CSNK1G1: variants seen among roughly 807,000 people sequenced by gnomAD.
CSNK1G1 encodes the protein casein kinase I isoform gamma-1.
A neutral mutation model predicts 59.6 loss-of-function variants in CSNK1G1; 22 were observed. The ratio of observed to expected loss-of-function variants is 0.37; its 90% confidence interval spans 0.26 to 0.53. CSNK1G1 has a LOEUF of 0.53. Among genes scored for constraint, CSNK1G1 ranks in the 20% least tolerant of loss-of-function variants. CSNK1G1 has a pLI of 0.89. For missense variants in CSNK1G1, 384 were observed against 519.5 expected, an observed-to-expected ratio of 0.74 and a Z score of 2.54; for synonymous variants, 179 against 177.1, an observed-to-expected ratio of 1.01 and a Z score of -0.08.
intron 4 of CSNK1G1, among the ~76,000 whole-genome samples, chr15:64,233,650 GA>G (rs1325809440): frequency 6.6e-6 from 1 of 152,190 alleles, no homozygotes; most frequent in East Asian, 1.9e-4. Context: ...CACACAACTG[GA>G]AAATTCGTCC....
At chr15:64,203,245 T>G (rs1002354809) in intron 9 of CSNK1G1, 56 bp from the exon 10 acceptor site, 2 of 1,049,550 alleles carry the variant, frequency 1.9e-6, no homozygotes, top group African/African-American at 3.1e-5. Context: ...TTGATGCATA[T>G]GCAAAGGACA....
At chr15:64,273,731 A>T (rs1050516203) in intron 2 of CSNK1G1, among the ~76,000 whole-genome samples, 31 of 115,544 alleles carry the variant, frequency 2.7e-4, no homozygotes, top group Admixed American at 6.7e-4. Context: ...CTGATGAGCT[A>T]AAAAAAAAAA....
chr15:64,175,800 G>A (rs184648587), intron 11 of CSNK1G1, among the ~76,000 whole-genome samples: 6 of 152,304 alleles, frequency 3.9e-5, no homozygotes, highest in Admixed American at 3.3e-4. Flanking sequence ...CAAAAAGTCA[G>A]ATTTTCCCAA....
intron 4 of CSNK1G1, among the ~76,000 whole-genome samples, chr15:64,230,885 A>G (rs1466130272): frequency 6.6e-6 from 1 of 151,684 alleles, no homozygotes; most frequent in African/African-American, 2.4e-5. Context: ...GAGGCAGGAG[A>G]ATGGCATGAA....
rs897302363 is a variant in CSNK1G1 at position 64,214,938 on chromosome 15, C to T, written c.445-814G>A. On this transcript the variant is annotated intron_variant, in intron 5 of 11. Coordinates refer to ENST00000303052, the MANE Select transcript of CSNK1G1 (RefSeq NM_022048.5). The surrounding 1 kb of genome is among the most constrained non-coding windows in gnomAD (Gnocchi z 4.3). ...ACAGGCATGAGCCACCATGCCTGGC[C>T]GAAACAGTTCATCGTTGTTGTTTTA... Among the ~76,000 whole-genome samples, 3 of 151,876 alleles carry T rather than the reference C, an allele frequency of 2.0e-5. No individual in the cohort carries two copies. Among genetic ancestry groups the T allele is most frequent in the African/African-American group, 4.8e-5 (2 of 41,336 alleles).
intron 1 of CSNK1G1, among the ~76,000 whole-genome samples, chr15:64,315,285 C>G (rs1239937984): frequency 6.6e-6 from 1 of 152,074 alleles, no homozygotes. Context: ...AAAGCAGCAG[C>G]CTATTAAGAA....
chr15:64,250,651 AG>A (rs1430235424), intron 4 of CSNK1G1, among the ~76,000 whole-genome samples: 2 of 152,286 alleles, frequency 1.3e-5, no homozygotes, highest in East Asian at 3.9e-4. Context: ...AGGCTGAGGC[AG>A]GAGAACTGCT....
At chr15:64,240,897 G>A (rs945226811) in intron 4 of CSNK1G1, among the ~76,000 whole-genome samples, 2 of 151,960 alleles carry the variant, frequency 1.3e-5, no homozygotes, top group African/African-American at 4.8e-5. Context: ...AAAAGAAAAA[G>A]AATCAAACCG....
chr15:64,197,999 G>A (rs1410138919), intron 10 of CSNK1G1, among the ~76,000 whole-genome samples: 2 of 151,898 alleles, frequency 1.3e-5, no homozygotes, highest in Non-Finnish European at 2.9e-5. Context: ...CATGTCAAAT[G>A]CAGCTTCTCT....
At chr15:64,347,937 C>T (rs1329895186) in intron 1 of CSNK1G1, among the ~76,000 whole-genome samples, 1 of 150,456 alleles carries the variant, frequency 6.6e-6, no homozygotes, top group Non-Finnish European at 1.5e-5. Context: ...ACCCAGGAGG[C>T]GGAGGTTTCA....
chr15:64,222,177 C>T (rs988767920), intron 4 of CSNK1G1, among the ~76,000 whole-genome samples: 3 of 151,018 alleles, frequency 2.0e-5, no homozygotes, highest in African/African-American at 7.3e-5. Context: ...AACACAGGAA[C>T]AGAAAACCAA....
At chr15:64,243,743 G>A (rs1891599550) in intron 4 of CSNK1G1, among the ~76,000 whole-genome samples, 2 of 152,128 alleles carry the variant, frequency 1.3e-5, no homozygotes, top group South Asian at 4.1e-4. Flanking sequence ...CTAGCCATGT[G>A]CCTGTAGTCC....
In CSNK1G1 at chr15:64,171,866, G is replaced by A. The variant is rs868515296; in HGVS notation, c.*65C>T. On this transcript the variant is annotated 3_prime_UTR_variant, in exon 12 of 12. Coordinates refer to ENST00000303052, the MANE Select transcript of CSNK1G1 (RefSeq NM_022048.5). The surrounding 1 kb of genome is among the most constrained non-coding windows in gnomAD (Gnocchi z 4.8). ...AGAGGAGTCCCTTCCAATGAGAAAT[G>A]GCAGGAGCTGCAGGTACAATTGAGT... is the stretch of plus-strand genomic sequence containing the variant. 1 of 1,329,234 alleles carries A rather than the reference G, an allele frequency of 7.5e-7. No homozygotes were observed. The highest frequency in any genetic ancestry group is 1.1e-6 in the Non-Finnish European group (1 of 920,310). The allele number at this position is 1,329,234 out of a possible 1,614,324, so 82.3% of individuals were successfully genotyped here.
At chr15:64,293,657 G>GC (rs1894860830) in intron 2 of CSNK1G1, among the ~76,000 whole-genome samples, 1 of 152,212 alleles carries the variant, frequency 6.6e-6, no homozygotes, top group Non-Finnish European at 1.5e-5. Flanking sequence ...CCAGTCCGTG[G>GC]CCCTGTTAGG....
intron 1 of CSNK1G1, among the ~76,000 whole-genome samples, chr15:64,355,467 T>C (rs573009708): frequency 6.6e-6 from 1 of 152,268 alleles, no homozygotes; most frequent in South Asian, 2.1e-4. Context: ...GTACGGAAGT[T>C]GGGTAGAGGA....
At chr15:64,280,853 A>G (rs1367908032) in intron 2 of CSNK1G1, among the ~76,000 whole-genome samples, 1 of 152,090 alleles carries the variant, frequency 6.6e-6, no homozygotes, top group Non-Finnish European at 1.5e-5. Flanking sequence ...CATACAATGG[A>G]TTATTCAACT....
At chr15:64,204,100 C>T (rs2082145740) in intron 9 of CSNK1G1, among the ~76,000 whole-genome samples, 1 of 151,846 alleles carries the variant, frequency 6.6e-6, no homozygotes. Context: ...CCGAGATTGG[C>T]GCCATTGCAC....
At chr15:64,336,950 G>A (rs1897418420) in intron 1 of CSNK1G1, among the ~76,000 whole-genome samples, 1 of 151,944 alleles carries the variant, frequency 6.6e-6, no homozygotes, top group Non-Finnish European at 1.5e-5. Context: ...GAACTCGGCC[G>A]GGCGCAGTGG....
At chr15:64,264,578 A>G (rs1421238304) in intron 2 of CSNK1G1, among the ~76,000 whole-genome samples, 1 of 152,232 alleles carries the variant, frequency 6.6e-6, no homozygotes, top group Non-Finnish European at 1.5e-5. Context: ...ACAAAATAAA[A>G]CTACAGGCCA....
Sources: gnomAD v4.1 joint callset for allele counts (sites outside exome capture counted in the v4.1 genomes callset) on GRCh38, gnomAD v4.1.1 for gene constraint, Gnocchi (gnomAD v3.1) non-coding constraint, MANE v1.5 for transcripts, NCBI Gene and HGNC (gene_info 2026-07-23, HGNC 2026-07-21) for gene names.